Variants in FAM98B observed in about 807,000 individuals in gnomAD.
FAM98B encodes tRNA splicing ligase complex subunit 3B.
FAM98B carries 32 observed loss-of-function variants against 43.9 expected under a neutral mutation model. The observed-to-expected ratio is 0.73, with a 90% CI of 0.55 to 0.98. The LOEUF is 0.98. FAM98B is among the 50% of genes least tolerant of loss of function. The pLI, the probability that FAM98B is intolerant of heterozygous loss-of-function variation, is 0.00. For synonymous variants in FAM98B, 190 were observed against 174.0 expected (o/e 1.09, Z -0.72); for missense variants, 514 against 522.9 (o/e 0.98, Z 0.17).
chr15:38,469,051 G>A (rs546511088), intron 3 of FAM98B, among the ~76,000 whole-genome samples: 18 of 152,050 alleles, frequency 1.2e-4, no homozygotes, highest in Non-Finnish European at 2.1e-4. Flanking sequence ...GACTACAGGC[G>A]CATGCTGCCA....
At chr15:38,460,016 T>C (rs1283844785) in intron 1 of FAM98B, among the ~76,000 whole-genome samples, 2 of 152,016 alleles carry the variant, frequency 1.3e-5, no homozygotes, top group Non-Finnish European at 2.9e-5. Context: ...CTGATGAAAA[T>C]AGAAAGTAAA....
rs1276941413 is a variant in FAM98B at position 38,484,347 on chromosome 15, A to C, written c.990A>C (p.Glu330Asp). 8 of 1,528,672 alleles carry C rather than the reference A, an allele frequency of 5.2e-6. No individual in the cohort carries two copies. The South Asian group carries it at 7.2e-5, about 14-fold the overall frequency. The allele number at this position is 1,528,672 out of a possible 1,614,324, so 94.7% of individuals were successfully genotyped here. A position where few individuals can be genotyped will look rare whatever the true frequency, so the allele number is the denominator to read the frequency against. Residue 330 changes from glutamate (E) to aspartate (D), a missense_variant, in exon 8 of 8, where the codon GAA (glutamate) becomes GAC (aspartate). Around this residue, in one of 2 missense-constraint regions of FAM98B, gnomAD observed 469 missense variants for 451.8 expected, o/e 1.04. Transcript: ENST00000397609. ...PEMPPWQKRQ[E>D]GGGGRGGWGG... ...TGCCCCCTTGGCAAAAGAGACAAGA[A>C]GGCGGCGGTGGAAGGGGTGGTTGGG...
chr15:38,463,321 T>A (rs1889977907), intron 1 of FAM98B, among the ~76,000 whole-genome samples: 1 of 151,854 alleles, frequency 6.6e-6, no homozygotes, highest in Non-Finnish European at 1.5e-5. Flanking sequence ...CTAAACCCCC[T>A]TTCTACTAAA....
chr15:38,458,071 T>C (rs1889878632), intron 1 of FAM98B, among the ~76,000 whole-genome samples: 1 of 151,868 alleles, frequency 6.6e-6, no homozygotes, highest in Admixed American at 6.6e-5. Context: ...TTCGAGACTA[T>C]GGCTAGATGG....
chr15:38,478,425 T>C (rs1890236267), intron 6 of FAM98B, among the ~76,000 whole-genome samples: 1 of 152,228 alleles, frequency 6.6e-6, no homozygotes, highest in Non-Finnish European at 1.5e-5. Context: ...TGCATTTGTA[T>C]ACTAAGTTTT....
intron 3 of FAM98B, 45 bp from the exon 4 acceptor site, chr15:38,470,182 A>T: frequency 7.8e-7 from 1 of 1,280,362 alleles, no homozygotes; most frequent in Non-Finnish European, 1.0e-6. Flanking sequence ...ATTTCAAGAG[A>T]TTCTTATACA....
chr15:38,474,828 C>T (rs562289466), intron 6 of FAM98B, among the ~76,000 whole-genome samples: 2 of 152,226 alleles, frequency 1.3e-5, no homozygotes, highest in Admixed American at 1.3e-4. Flanking sequence ...GGGATCACTC[C>T]TCACCCCCGC....
intron 6 of FAM98B, among the ~76,000 whole-genome samples, chr15:38,475,222 T>C (rs1186789976): frequency 6.6e-6 from 1 of 151,908 alleles, no homozygotes; most frequent in African/African-American, 2.4e-5. Context: ...AGGGCGATGG[T>C]TTTGGCATGA....
At chr15:38,480,329 C>T (rs1451737491) in intron 6 of FAM98B, among the ~76,000 whole-genome samples, 2 of 152,094 alleles carry the variant, frequency 1.3e-5, no homozygotes, top group Non-Finnish European at 2.9e-5. Flanking sequence ...TTCCTTTTCT[C>T]GTTGATCTGT....
chr15:38,459,292 G>C (rs1889908057), intron 1 of FAM98B: 1 of 497,282 alleles, frequency 2.0e-6, no homozygotes, highest in South Asian at 1.5e-5. Context: ...ACGTCCCTGG[G>C]ATCCGATAAA....
intron 1 of FAM98B, among the ~76,000 whole-genome samples, chr15:38,460,226 A>G (rs894926973): frequency 6.6e-6 from 1 of 152,230 alleles, no homozygotes; most frequent in African/African-American, 2.4e-5. Context: ...AAGAATATAT[A>G]GAACAAACTA....
At chr15:38,456,080 A>C (rs1483884845) in intron 1 of FAM98B, among the ~76,000 whole-genome samples, 1 of 152,238 alleles carries the variant, frequency 6.6e-6, no homozygotes, top group South Asian at 2.1e-4. Context: ...CAGCAAAGGT[A>C]CTTCAGTTTG....
At chr15:38,476,361 T>G (rs2141059906) in intron 6 of FAM98B, among the ~76,000 whole-genome samples, 1 of 152,128 alleles carries the variant, frequency 6.6e-6, no homozygotes, top group Middle Eastern at 3.4e-3. Flanking sequence ...TTTTTTTCAT[T>G]CATTGTGCCC....
chr15:38,473,199 A>G (rs1890151304), intron 4 of FAM98B, among the ~76,000 whole-genome samples: 1 of 152,280 alleles, frequency 6.6e-6, no homozygotes, highest in Middle Eastern at 3.4e-3. Context: ...TATCTTAAGT[A>G]GGAACTCCAA....
At chr15:38,479,347 T>C (rs2141061400) in intron 6 of FAM98B, among the ~76,000 whole-genome samples, 1 of 152,290 alleles carries the variant, frequency 6.6e-6, no homozygotes, top group South Asian at 2.1e-4. Context: ...TGTAATTCCA[T>C]AACACTTCCA....
intron 6 of FAM98B, among the ~76,000 whole-genome samples, chr15:38,476,786 G>A (rs1363653217): frequency 2.0e-5 from 3 of 149,582 alleles, no homozygotes; most frequent in Non-Finnish European, 3.0e-5. Flanking sequence ...CTCCCATGTC[G>A]GTGGCTTCCT....
In FAM98B at chr15:38,486,028, A is replaced by G. The variant is rs1036809589; in HGVS notation, c.*1369A>G. Reference sequence around the variant, plus strand: ...GAATTGTTCCCAGTGGACAAGTGGTATTTGATGTTTAGCAGGTTTTTTTGT... The same window carrying G: ...GAATTGTTCCCAGTGGACAAGTGGTGTTTGATGTTTAGCAGGTTTTTTTGT... On this transcript the variant is annotated 3_prime_UTR_variant, in exon 8 of 8. Coordinates refer to ENST00000397609, the MANE Select transcript of FAM98B (RefSeq NM_173611.4). The G allele has an allele frequency of 2.0e-5, 3 of 152,118 alleles. No homozygotes were observed. Among genetic ancestry groups the G allele is most frequent in the African/African-American group, 7.2e-5 (3 of 41,446 alleles). The allele number at this position is 152,118 out of a possible 1,614,324, so 9.4% of individuals were successfully genotyped here.
At chr15:38,462,812 A>T (rs1000504963) in intron 1 of FAM98B, among the ~76,000 whole-genome samples, 1 of 152,224 alleles carries the variant, frequency 6.6e-6, no homozygotes, top group Non-Finnish European at 1.5e-5. Context: ...TTGGTAGCAG[A>T]TTATGTACTC....
At position 38,473,594 on chromosome 15, in the gene FAM98B, C is replaced by A; in HGVS notation, c.612+9C>A. 6.3e-7 allele frequency: 1 copy of A among 1,595,168 alleles called. No homozygotes were observed. The highest frequency in any genetic ancestry group is 8.5e-7 in the Non-Finnish European group (1 of 1,171,578). On this transcript the variant is annotated intron_variant, in intron 5 of 7. Coordinates refer to ENST00000397609, the MANE Select transcript of FAM98B (RefSeq NM_173611.4). Reference sequence around the variant, plus strand: ...TAAATTCAGAACAGGCGGTAAATCCCCCTTTTTGTTATTAGTTTTATGTAA... The same window carrying A: ...TAAATTCAGAACAGGCGGTAAATCCACCTTTTTGTTATTAGTTTTATGTAA...
Sources: gnomAD v4.1 joint callset for allele counts (sites outside exome capture counted in the v4.1 genomes callset) on GRCh38, gnomAD v4.1.1 for gene constraint, gnomAD v4.1.1 regional missense constraint, MANE v1.5 for transcripts, NCBI Gene and HGNC (gene_info 2026-07-23, HGNC 2026-07-21) for gene names.